The following ZNF516 variants were observed in gnomAD, a reference collection of about 807,000 sequenced individuals.
ZNF516 encodes the protein zinc finger protein 516.
Under a neutral mutation model 79.7 loss-of-function variants are expected in ZNF516, and 19 were observed. The observed-to-expected ratio is 0.24, with a 90% CI of 0.17 to 0.35. ZNF516 has a LOEUF of 0.35. Ranked by LOEUF, ZNF516 falls within the 10% of genes least tolerant of loss-of-function variation. The probability of loss-of-function intolerance (pLI) is 1.00; values close to 1 mark genes in which losing one functional copy is unlikely to be tolerated. For missense variants in ZNF516, 1,678 were observed against 1,679.5 expected (o/e 1.00, Z 0.02); for synonymous variants, 877 against 739.5 (o/e 1.19, Z -3.02).
At chr18:76,449,126 A>C (rs886179902) in intron 2 of ZNF516, among the ~76,000 whole-genome samples, 1 of 152,050 alleles carries the variant, frequency 6.6e-6, no homozygotes, top group Admixed American at 6.5e-5. Flanking sequence ...TCTTGAATCC[A>C]TGTGCCCAAG....
chr18:76,496,140 T>TGGGGG, upstream of ZNF516: 1 of 382,870 alleles, frequency 2.6e-6, no homozygotes, highest in East Asian at 1.1e-4. Context: ...ATGGCCGGGG[T>TGGGGG]GGGGGAGGGG....
At chr18:76,418,202 AAC>A (rs914715658) in intron 3 of ZNF516, among the ~76,000 whole-genome samples, 33 of 152,236 alleles carry the variant, frequency 2.2e-4, no homozygotes, top group South Asian at 1.5e-3. Context: ...AACACACTGT[AAC>A]ACACGCTATA....
intron 1 of ZNF516, among the ~76,000 whole-genome samples, chr18:76,470,412 A>G (rs1329361202): frequency 2.6e-5 from 4 of 152,198 alleles, no homozygotes; most frequent in Non-Finnish European, 1.5e-5. Context: ...CTAACTGCTT[A>G]AGAAATTCCA....
Position 76,442,690 on chromosome 18 carries a change from G to A in ZNF516, c.365C>T (p.Ser122Leu), listed in dbSNP as rs745869284. 5 of 1,583,682 alleles carry A rather than the reference G, an allele frequency of 3.2e-6. No homozygotes were observed. The highest frequency in any genetic ancestry group is 4.6e-5 in the East Asian group (2 of 43,254). Residue 122 changes from serine (S) to leucine (L), a missense_variant, in exon 3 of 7, where the codon TCG (serine) becomes TTG (leucine). This residue lies in a region of ZNF516 where 279 missense variants were observed against 254.1 expected (regional missense o/e 1.10). Transcript: ENST00000443185. ...CCCGTTCAGCAGCCGGTTGCAGGCCGAGGCGCTCTTGGTGGGGCTGGCGCA... is the reference window on the plus strand; with the variant it reads ...CCCGTTCAGCAGCCGGTTGCAGGCCAAGGCGCTCTTGGTGGGGCTGGCGCA... ...DACASPTKSASACNRLLNGAS... is the reference protein window; with the variant it reads ...DACASPTKSALACNRLLNGAS...
Position 76,361,597 on chromosome 18 carries a change from C to T in ZNF516, c.*901G>A, listed in dbSNP as rs2074538152. On this transcript the variant is annotated 3_prime_UTR_variant, in exon 7 of 7. Coordinates refer to ENST00000443185, the MANE Select transcript of ZNF516 (RefSeq NM_014643.4). ...CTGCTCAGGGATTCTTCTGCCATTA[C>T]TAAAACAGGTCCGAATCGGGAGGAC... 6.6e-6 allele frequency: 1 copy of T among 152,274 alleles called. No homozygotes were observed. Among genetic ancestry groups the T allele is most frequent in the African/African-American group, 2.4e-5 (1 of 41,468 alleles). 9.4% of individuals were successfully genotyped at this position (152,274 alleles called of 1,614,324 possible).
At chr18:76,378,752 T>C (rs2074831692) in intron 4 of ZNF516, 103 bp downstream of exon 4, 1 of 1,472,176 alleles carries the variant, frequency 6.8e-7, no homozygotes, top group African/African-American at 1.4e-5. Flanking sequence ...GCTGGCTCTG[T>C]CCTCAGGGAC....
rs749355674 is a variant in ZNF516 at position 76,441,755 on chromosome 18, G to T, written c.1300C>A (p.Leu434Ile). The change falls in exon 3 of 7, where the codon CTC (leucine) becomes ATC (isoleucine). Residue 434 changes from leucine (L) to isoleucine (I), a missense_variant. Physicochemically the swap from Leu to Ile is conservative, Grantham distance 5. This residue lies in a region of ZNF516 where 1,294 missense variants were observed against 1,248.3 expected (regional missense o/e 1.04). Coordinates refer to ENST00000443185, the MANE Select transcript of ZNF516 (RefSeq NM_014643.4). ...RGKVAEPAEYLKYGAWDEALA... is the reference protein window; with the variant it reads ...RGKVAEPAEYIKYGAWDEALA... ...GCCTCGTCCCAGGCCCCGTACTTGA[G>T]GTACTCGGCCGGCTCGGCCACCTTA... 1 of 1,570,930 alleles carries T rather than the reference G, an allele frequency of 6.4e-7. No individual in the cohort carries two copies. Among genetic ancestry groups the T allele is most frequent in the Admixed American group, 1.8e-5 (1 of 56,130 alleles).
At chr18:76,456,301 C>T (rs1000545478) in intron 2 of ZNF516, among the ~76,000 whole-genome samples, 1 of 152,224 alleles carries the variant, frequency 6.6e-6, no homozygotes, top group African/African-American at 2.4e-5. Flanking sequence ...AAAACAAAAT[C>T]TGGATGACTA....
intron 3 of ZNF516, 40 bp downstream of exon 3, chr18:76,441,205 G>T: frequency 6.3e-7 from 1 of 1,581,826 alleles, no homozygotes; most frequent in Non-Finnish European, 8.6e-7. Context: ...CCCTGAGCCT[G>T]GGATCCCAGG....
At chr18:76,492,827 G>GAACA (rs981318734) in intron 1 of ZNF516, 169 of 986,032 alleles carry the variant, frequency 1.7e-4, no homozygotes, top group Admixed American at 2.5e-4. Flanking sequence ...GAGGCGCTCC[G>GAACA]TGGGGGCTGC....
At chr18:76,411,668 A>G (rs934276641) in intron 3 of ZNF516, among the ~76,000 whole-genome samples, 2 of 152,218 alleles carry the variant, frequency 1.3e-5, no homozygotes, top group African/African-American at 2.4e-5. Context: ...ATCAAACTCA[A>G]CAAGTCCTAA....
chr18:76,442,252 T>C lies in ZNF516; in HGVS notation c.803A>G (p.Lys268Arg), dbSNP rs763432718. ...SQTWFLKAHM[K>R]KHRGSFDHGC... ...GTGGTCGAAGGAGCCCCGGTGCTTCTTCATGTGCGCCTTCAGGAACCAGGT... is the reference window on the plus strand; with the variant it reads ...GTGGTCGAAGGAGCCCCGGTGCTTCCTCATGTGCGCCTTCAGGAACCAGGT... The change falls in exon 3 of 7, where the codon AAG becomes AGG. Residue 268 changes from lysine (K) to arginine (R), a missense_variant. Coordinates refer to ENST00000443185, the MANE Select transcript of ZNF516 (RefSeq NM_014643.4). The C allele has an allele frequency of 3.1e-6, 5 of 1,613,684 alleles. No homozygotes were observed. Among genetic ancestry groups the C allele is most frequent in the Non-Finnish European group, 4.2e-6 (5 of 1,179,840 alleles).
intron 3 of ZNF516, among the ~76,000 whole-genome samples, chr18:76,407,218 G>A (rs1252236135): frequency 6.6e-6 from 1 of 152,154 alleles, no homozygotes; most frequent in African/African-American, 2.4e-5. Context: ...TCACTTGAGT[G>A]CAAGAGTTCG....
At chr18:76,485,920 A>T (rs987441872) in intron 1 of ZNF516, among the ~76,000 whole-genome samples, 4 of 150,886 alleles carry the variant, frequency 2.7e-5, no homozygotes, top group African/African-American at 9.7e-5. Flanking sequence ...TGACAAAAAT[A>T]ATAATAATAA....
intron 1 of ZNF516, among the ~76,000 whole-genome samples, chr18:76,482,842 G>A (rs901862593): frequency 2.6e-5 from 4 of 152,040 alleles, no homozygotes; most frequent in Admixed American, 2.0e-4. Context: ...CTCACACCAC[G>A]GCCTACAGGA....
chr18:76,486,819 G>A (rs1330070663), intron 1 of ZNF516, among the ~76,000 whole-genome samples: 1 of 151,916 alleles, frequency 6.6e-6, no homozygotes, highest in Non-Finnish European at 1.5e-5. Flanking sequence ...ATCTCTTCTC[G>A]GCCCAGTAAA....
At position 76,454,138 on chromosome 18, in the gene ZNF516, A is replaced by G. The variant is rs554166361; in HGVS notation, c.-158+8890T>C. Among the ~76,000 whole-genome samples the G allele has an allele frequency of 1.1e-4, 17 of 152,378 alleles. No individual in the cohort carries two copies. In the East Asian group the frequency reaches 2.3e-3, roughly 21 times the overall value. On this transcript the variant is annotated intron_variant, in intron 2 of 6. Transcript: ENST00000443185. ...AATTGTATGCAGTAAGCCATAAGGC[A>G]TTCTGTTAAACATTACCTTCCGATG... is the stretch of plus-strand genomic sequence containing the variant.
rs1426341834 is a variant in ZNF516, at chr18:76,380,131, A to G, written c.1983T>C (p.Ser661=). Residue 661 remains serine, a synonymous_variant, in exon 4 of 7, where the codon TCT becomes TCC. Coordinates refer to ENST00000443185, the MANE Select transcript of ZNF516 (RefSeq NM_014643.4). ...AAAATCTGTGCTGCTCTTGCCTTCT[A>G]GAAGTCTCTCTGCTACTGTTTTCAA... ...SILENSSRET[S]RRQEQHRFSM... 4 of 1,613,860 alleles carry G rather than the reference A, an allele frequency of 2.5e-6. No individual in the cohort carries two copies. Among genetic ancestry groups the G allele is most frequent in the Non-Finnish European group, 2.5e-6 (3 of 1,179,894 alleles).
At chr18:76,428,567 G>C (rs1003170203) in intron 3 of ZNF516, among the ~76,000 whole-genome samples, 1 of 152,200 alleles carries the variant, frequency 6.6e-6, no homozygotes, top group Non-Finnish European at 1.5e-5. Context: ...GAGTCCAAGA[G>C]AGGAGAGTCC....
Sources: gnomAD v4.1 joint callset for allele counts (sites outside exome capture counted in the v4.1 genomes callset) on GRCh38, gnomAD v4.1.1 for gene constraint, gnomAD v4.1.1 regional missense constraint, MANE v1.5 for transcripts, NCBI Gene and HGNC (gene_info 2026-07-23, HGNC 2026-07-21) for gene names.